NPHP4: variants seen among roughly 807,000 people sequenced by gnomAD.
NPHP4 encodes the protein nephrocystin 4, also known as nephrocystin-4.
A neutral mutation model predicts 155.8 loss-of-function variants in NPHP4; 151 were observed. The observed-to-expected ratio is 0.97, with a 90% CI of 0.85 to 1.11. The LOEUF (loss-of-function observed/expected upper bound fraction) is 1.11. NPHP4 is among the 50% of genes least tolerant of loss of function. The pLI is 0.00. For missense variants in NPHP4, 1,956 were observed against 1,925.7 expected (o/e 1.02, Z -0.29); for synonymous variants, 845 against 816.8 (o/e 1.03, Z -0.59).
chr1:5,924,091 G>A (rs193175729), intron 11 of NPHP4, among the ~76,000 whole-genome samples: 95 of 152,278 alleles, frequency 6.2e-4, no homozygotes, highest in African/African-American at 2.0e-3. Context: ...TAATATCTGA[G>A]ATGAAAAGTA....
At chr1:5,885,982 C>T (rs1643768448) in intron 18 of NPHP4, among the ~76,000 whole-genome samples, 1 of 152,182 alleles carries the variant, frequency 6.6e-6, no homozygotes, top group African/African-American at 2.4e-5. Flanking sequence ...TTCCTATGAG[C>T]TTATCTCTCT....
At position 5,873,287 on chromosome 1, in the gene NPHP4, A is replaced by C; in HGVS notation, c.3280T>G (p.Trp1094Gly). 3 of 1,613,948 alleles carry C rather than the reference A, an allele frequency of 1.9e-6. No individual in the cohort carries two copies. Among genetic ancestry groups the C allele is most frequent in the Non-Finnish European group, 2.5e-6 (3 of 1,179,848 alleles). The change falls in exon 23 of 30, where the codon TGG becomes GGG. Residue 1094 changes from tryptophan (W) to glycine (G), a missense_variant. Trp to Gly is a radical substitution (Grantham distance 184, BLOSUM62 -2). Coordinates refer to ENST00000378156, the MANE Select transcript of NPHP4 (RefSeq NM_015102.5). The stretch of plus-strand genomic sequence containing the variant: ...TTAGTGGGCACTGCGCTGGACTTCC[A>C]AGGTGACACGGCGTCCATGCCCTTC... ...NEKGMDAVSP[W>G]KSSAVPTKHA... is the part of the protein sequence containing the mutation.
chr1:5,869,130 GCA>G (rs1053159123), intron 23 of NPHP4, among the ~76,000 whole-genome samples: 7 of 110,462 alleles, frequency 6.3e-5, no homozygotes, highest in South Asian at 6.4e-4. Flanking sequence ...CACGCACAAT[GCA>G]CACATATCCG....
Position 5,863,421 on chromosome 1 carries a change from C to T in NPHP4, c.4141-16G>A. On this transcript the variant is annotated splice_polypyrimidine_tract_variant and intron_variant, in intron 29 of 29. Coordinates refer to ENST00000378156, the MANE Select transcript of NPHP4 (RefSeq NM_015102.5). ...CACCCCCGACCTGGAAATAAGCATC[C>T]AAATCCCAGCATCCACCCCCGGGCT... is the stretch of plus-strand genomic sequence containing the variant. The T allele has an allele frequency of 6.2e-7, 1 of 1,611,388 alleles. No homozygotes were observed. The highest frequency in any genetic ancestry group is 1.7e-5 in the Admixed American group (1 of 59,976).
chr1:5,916,304 A>G, intron 11 of NPHP4, among the ~76,000 whole-genome samples: 1 of 152,354 alleles, frequency 6.6e-6, no homozygotes, highest in East Asian at 1.9e-4. Flanking sequence ...TGACAGCCGC[A>G]TATCATTAAG....
chr1:5,929,739 G>A (rs187793352), intron 10 of NPHP4, among the ~76,000 whole-genome samples: 87 of 152,206 alleles, frequency 5.7e-4, no homozygotes, highest in African/African-American at 2.1e-3. Flanking sequence ...GTTTATGAAG[G>A]ATACGGGTCC....
chr1:5,873,624 C>T, intron 22 of NPHP4: 1 of 516,500 alleles, frequency 1.9e-6, no homozygotes, highest in Non-Finnish European at 3.4e-6. Context: ...AGCATGGCAT[C>T]CTGTGAGTGA....
chr1:5,873,280 G>A lies in NPHP4; in HGVS notation c.3287C>T (p.Ser1096Phe), dbSNP rs1398747569. The A allele has an allele frequency of 3.1e-6, 5 of 1,613,798 alleles. No individual in the cohort carries two copies. The African/African-American group carries it at 5.3e-5, about 17-fold the overall frequency. ...GGCGTGTTTAGTGGGCACTGCGCTG[G>A]ACTTCCAAGGTGACACGGCGTCCAT... The part of the protein sequence containing the change: ...KGMDAVSPWK[S>F]SAVPTKHAKV... The change falls in exon 23 of 30, where the codon TCC becomes TTC. Residue 1096 changes from serine to phenylalanine, a missense_variant. Physicochemically the swap from Ser to Phe is radical, Grantham distance 155 (BLOSUM62 -2). Transcript: ENST00000378156.
chr1:5,921,839 C>T (rs185549611), intron 11 of NPHP4, among the ~76,000 whole-genome samples: 34 of 152,332 alleles, frequency 2.2e-4, no homozygotes, highest in African/African-American at 7.9e-4. Context: ...GAAGCTAGGA[C>T]TGAATTTTAT....
intron 6 of NPHP4, among the ~76,000 whole-genome samples, chr1:5,953,393 C>A (rs1648569053): frequency 6.6e-6 from 1 of 152,196 alleles, no homozygotes; most frequent in African/African-American, 2.4e-5. Flanking sequence ...CGTGAGCCAC[C>A]ACACCTGGCC....
At chr1:5,874,415 C>CA in intron 22 of NPHP4, 56 bp downstream of exon 22, 1 of 1,435,852 alleles carries the variant, frequency 7.0e-7, no homozygotes, top group Admixed American at 2.5e-5. Context: ...GAAGCATTCT[C>CA]AATTTCCCAC....
intron 9 of NPHP4, among the ~76,000 whole-genome samples, chr1:5,939,662 C>T (rs938702986): frequency 6.6e-6 from 1 of 152,244 alleles, no homozygotes; most frequent in African/African-American, 2.4e-5. Flanking sequence ...CACTGCCCTT[C>T]CACAAGGCCT....
At position 5,909,143 on chromosome 1, in the gene NPHP4, T is replaced by G. The variant is rs1250190455; in HGVS notation, c.1503+9A>C. On this transcript the variant is annotated intron_variant, in intron 12 of 29. Coordinates refer to ENST00000378156, the MANE Select transcript of NPHP4 (RefSeq NM_015102.5). Reference sequence around the variant, plus strand: ...ATTCTGAAGGAGGCCGTGGGGGGCCTGGACTTACCCCTGGTCCCACAGGTG... The same window carrying G: ...ATTCTGAAGGAGGCCGTGGGGGGCCGGGACTTACCCCTGGTCCCACAGGTG... 6 of 1,590,954 alleles carry G rather than the reference T, an allele frequency of 3.8e-6. No individual in the cohort carries two copies. Among genetic ancestry groups the G allele is most frequent in the Non-Finnish European group, 3.4e-6 (4 of 1,167,788 alleles).
rs186198058 is a variant in NPHP4, at chr1:5,870,725, T to C, written c.3315+2527A>G. Reference sequence around the variant, plus strand: ...AAGCAACACGGTGTCCCTCACAGTATGATGTTCGTAGAGGACACGGCAAAT... The same window carrying C: ...AAGCAACACGGTGTCCCTCACAGTACGATGTTCGTAGAGGACACGGCAAAT... On this transcript the variant is annotated intron_variant, in intron 23 of 29. Coordinates refer to ENST00000378156, the MANE Select transcript of NPHP4 (RefSeq NM_015102.5). Among the ~76,000 whole-genome samples the C allele has an allele frequency of 1.7e-3, 253 of 152,314 alleles. 2 individuals carry two copies. In the Middle Eastern group the frequency reaches 0.024, roughly 14 times the overall value.
chr1:5,958,094 T>C (rs1288545626), intron 6 of NPHP4, among the ~76,000 whole-genome samples: 3 of 152,270 alleles, frequency 2.0e-5, no homozygotes, highest in Non-Finnish European at 2.9e-5. Flanking sequence ...TCAGTGGTTT[T>C]CTCCACGGAG....
rs777321834 is a variant in NPHP4 at position 5,914,209 on chromosome 1, C to T, written c.1442-4996G>A. On this transcript the variant is annotated intron_variant, in intron 11 of 29. Transcript: ENST00000378156. ...CCAAGGCAGGAGGACTGTTTTGAGT[C>T]CAGAAGTTCGAGATTAGCCTGGGCA... Among the ~76,000 whole-genome samples, 22 of 132,512 alleles carry T rather than the reference C, an allele frequency of 1.7e-4. No individual in the cohort carries two copies. In the South Asian group the frequency reaches 1.9e-3, roughly 11 times the overall value. The allele number at this position is 132,512 out of a possible 152,430, so 86.9% of individuals were successfully genotyped here.
At chr1:5,897,744 G>A (rs1305995922) in intron 16 of NPHP4, among the ~76,000 whole-genome samples, 1 of 152,080 alleles carries the variant, frequency 6.6e-6, no homozygotes, top group Non-Finnish European at 1.5e-5. Flanking sequence ...AAATACACAT[G>A]GGGGACAAAT....
intron 16 of NPHP4, among the ~76,000 whole-genome samples, chr1:5,902,069 C>A (rs1040564600): frequency 1.3e-5 from 2 of 152,218 alleles, no homozygotes; most frequent in Non-Finnish European, 2.9e-5. Context: ...TGGCTTCACA[C>A]CTCTATGCAA....
Position 5,862,959 on chromosome 1 carries a change from C to T in NPHP4, c.*306G>A. On this transcript the variant is annotated 3_prime_UTR_variant, in exon 30 of 30. Coordinates refer to ENST00000378156, the MANE Select transcript of NPHP4 (RefSeq NM_015102.5). ...CTCATTTAGGATGATTCATAAAATA[C>T]ATTTTGAGCAACAGCGATAACGAGG... is the stretch of plus-strand genomic sequence containing the variant. The T allele has an allele frequency of 4.9e-6, 2 of 404,176 alleles. No individual in the cohort carries two copies. The highest frequency in any genetic ancestry group is 2.0e-5 in the African/African-American group (1 of 50,740). 25.0% of individuals were successfully genotyped at this position (404,176 alleles called of 1,614,324 possible). A position where few individuals can be genotyped will look rare whatever the true frequency, so the allele number is the denominator to read the frequency against.
Sources: gnomAD v4.1 joint callset for allele counts (sites outside exome capture counted in the v4.1 genomes callset) on GRCh38, gnomAD v4.1.1 for gene constraint, MANE v1.5 for transcripts, NCBI Gene and HGNC (gene_info 2026-07-23, HGNC 2026-07-21) for gene names.